The following MTA1 variants were observed in gnomAD, a reference collection of about 807,000 sequenced individuals.
MTA1 encodes the protein metastasis-associated protein MTA1.
MTA1 carries 15 observed loss-of-function variants against 97.0 expected under a neutral mutation model. The observed-to-expected ratio is 0.15, with a 90% CI of 0.10 to 0.24. The LOEUF is 0.24. MTA1 is among the 10% of genes least tolerant of loss of function. The pLI, the probability that MTA1 is intolerant of heterozygous loss-of-function variation, is 1.00. For synonymous variants in MTA1, 435 were observed against 417.5 expected (o/e 1.04, Z -0.51); for missense variants, 709 against 1,015.1 (o/e 0.70, Z 4.10).
intron 10 of MTA1, among the ~76,000 whole-genome samples, chr14:105,461,261 A>G (rs1555431007): frequency 6.6e-6 from 1 of 152,144 alleles, no homozygotes; most frequent in African/African-American, 2.4e-5. Context: ...ATCCTCACGG[A>G]GACTTTCCCT....
intron 2 of MTA1, among the ~76,000 whole-genome samples, chr14:105,439,253 C>T (rs587662438): frequency 3.3e-5 from 5 of 151,718 alleles, no homozygotes; most frequent in South Asian, 2.1e-4. Context: ...GAGGTGTCTG[C>T]GTGGCTGGAA....
At position 105,470,650 on chromosome 14, in the gene MTA1, G is replaced by A. The variant is rs962132348; in HGVS notation, c.*435G>A. 14 of 161,834 alleles carry A rather than the reference G, an allele frequency of 8.7e-5. No individual in the cohort carries two copies. Among genetic ancestry groups the A allele is most frequent in the African/African-American group, 3.3e-4 (14 of 41,838 alleles). The allele number at this position is 161,834 out of a possible 1,614,324, so 10.0% of individuals were successfully genotyped here. A position where few individuals can be genotyped will look rare whatever the true frequency, so the allele number is the denominator to read the frequency against. On this transcript the variant is annotated 3_prime_UTR_variant, in exon 21 of 21. Transcript: ENST00000331320. Reference sequence around the variant, plus strand: ...GCGGCCGGCCGAGCTGCCTGGCGGGGTTGGCCCTTGTCTTTTCAAGTAATT... The same window carrying A: ...GCGGCCGGCCGAGCTGCCTGGCGGGATTGGCCCTTGTCTTTTCAAGTAATT...
intron 10 of MTA1, among the ~76,000 whole-genome samples, chr14:105,462,199 C>T (rs1001625885): frequency 1.3e-4 from 3 of 23,258 alleles, no homozygotes; most frequent in Non-Finnish European, 2.7e-4. Context: ...GAGCAGGCCC[C>T]GCTCTCCTTC....
rs1423981338 is a variant in MTA1, at chr14:105,424,636, C to T, written c.28+4573C>T. 3.9e-5 allele frequency among the ~76,000 whole-genome samples: 6 copies of T among 152,190 alleles called. No homozygotes were observed. The highest frequency in any genetic ancestry group is 1.4e-4 in the African/African-American group (6 of 41,522). ...TCAGCCCCCTGAGTAGCTGGGATTACAGGTGTGCACCACCACACCTGGCTA... is the reference window on the plus strand; with the variant it reads ...TCAGCCCCCTGAGTAGCTGGGATTATAGGTGTGCACCACCACACCTGGCTA... On this transcript the variant is annotated intron_variant, in intron 1 of 20. Coordinates refer to ENST00000331320, the MANE Select transcript of MTA1 (RefSeq NM_004689.4). The surrounding 1 kb of genome is among the most constrained non-coding windows in gnomAD (Gnocchi z 4.0).
In MTA1 at chr14:105,463,320, C is replaced by G; in HGVS notation, c.1017+62C>G. On this transcript the variant is annotated intron_variant, in intron 11 of 20. Transcript: ENST00000331320. This position sits in a 1 kb window ranked among gnomAD's most constrained non-coding sequence, Gnocchi z 5.9. ...GCCTCCCCGTCCTGCGCCCCATCCTCTCCCAGCAGGTGGGCGTGCACTGCT... is the reference window on the plus strand; with the variant it reads ...GCCTCCCCGTCCTGCGCCCCATCCTGTCCCAGCAGGTGGGCGTGCACTGCT... The G allele has an allele frequency of 1.3e-6, 2 of 1,584,766 alleles. No individual in the cohort carries two copies. The highest frequency in any genetic ancestry group is 1.1e-5 in the South Asian group (1 of 90,428).
intron 6 of MTA1, among the ~76,000 whole-genome samples, chr14:105,452,325 A>T (rs1291614792): frequency 6.6e-6 from 1 of 152,182 alleles, no homozygotes; most frequent in East Asian, 1.9e-4. Flanking sequence ...TCACAGACAC[A>T]CCCAGGCCCT....
At chr14:105,464,331 C>T (rs1255000573) in intron 13 of MTA1, 85 bp from the exon 14 acceptor site, 45 of 1,281,612 alleles carry the variant, frequency 3.5e-5, no homozygotes, top group African/African-American at 1.8e-4. Context: ...CGGGTGGGGG[C>T]GGCCGGCGTG....
intron 1 of MTA1, among the ~76,000 whole-genome samples, chr14:105,426,609 C>G (rs2082022803): frequency 6.6e-6 from 1 of 152,180 alleles, no homozygotes; most frequent in African/African-American, 2.4e-5. Flanking sequence ...AGTGCCTGGG[C>G]CATCTGGCCA....
In MTA1 at chr14:105,463,935, T is replaced by C. The variant is rs1555431682; in HGVS notation, c.1077-97T>C. ...GCCGAGGGGTGCGAGGACGTGGTTC[T>C]GGACAAGGGGTGGTCAGCCGCGGTG... On this transcript the variant is annotated intron_variant, in intron 12 of 20. Coordinates refer to ENST00000331320, the MANE Select transcript of MTA1 (RefSeq NM_004689.4). This position sits in a 1 kb window ranked among gnomAD's most constrained non-coding sequence, Gnocchi z 5.9. 12 of 1,168,408 alleles carry C rather than the reference T, an allele frequency of 1.0e-5. No homozygotes were observed. Among genetic ancestry groups the C allele is most frequent in the South Asian group, 3.7e-5 (3 of 80,258 alleles). 72.4% of individuals were successfully genotyped at this position (1,168,408 alleles called of 1,614,324 possible).
At chr14:105,443,511 A>G (rs1220558304) in intron 2 of MTA1, among the ~76,000 whole-genome samples, 1 of 152,210 alleles carries the variant, frequency 6.6e-6, no homozygotes, top group African/African-American at 2.4e-5. Context: ...AGCTGGGACT[A>G]CAGGCGCACA....
At chr14:105,450,445 G>C in intron 6 of MTA1, 121 bp downstream of exon 6, 2 of 1,151,218 alleles carry the variant, frequency 1.7e-6, no homozygotes, top group Admixed American at 2.8e-5. Flanking sequence ...GGCCCAGGCT[G>C]TTCTGGGGGG....
chr14:105,466,145 C>A, intron 16 of MTA1: 4 of 514,604 alleles, frequency 7.8e-6, no homozygotes, highest in South Asian at 6.4e-5. Context: ...CCTGTTGTCC[C>A]GGGGCTGAGG....
At chr14:105,453,645 A>G (rs2083030826) in intron 6 of MTA1, among the ~76,000 whole-genome samples, 1 of 152,166 alleles carries the variant, frequency 6.6e-6, no homozygotes, top group Non-Finnish European at 1.5e-5. Context: ...CTCTGTCTCT[A>G]CTGAAAATAC....
intron 4 of MTA1, 68 bp downstream of exon 4, chr14:105,449,477 G>A (rs2082840267): frequency 1.0e-5 from 16 of 1,548,918 alleles, no homozygotes; most frequent in African/African-American, 4.1e-5. Flanking sequence ...CGGCAGCGCC[G>A]CTGAGGGACA....
chr14:105,447,695 G>A (rs2082764724), intron 3 of MTA1, among the ~76,000 whole-genome samples: 1 of 152,226 alleles, frequency 6.6e-6, no homozygotes, highest in Non-Finnish European at 1.5e-5. Flanking sequence ...GCGTTCCTAT[G>A]AACTGAGAGC....
In MTA1 at chr14:105,458,334, C is replaced by A. The variant is rs782205170; in HGVS notation, c.615C>A (p.Leu205=). The change falls in exon 8 of 21, where the codon CTC becomes CTA. Residue 205 remains leucine, a synonymous_variant. Coordinates refer to ENST00000331320, the MANE Select transcript of MTA1 (RefSeq NM_004689.4). ...AGGTGTGGGAGGCGCACAACCCACT[C>A]ACAGACAAGCAGATCGACCAGTTCC... is the stretch of plus-strand genomic sequence containing the variant. The part of the protein sequence containing the change: ...ETQVWEAHNP[L]TDKQIDQFLV... 2.5e-5 allele frequency: 40 copies of A among 1,612,672 alleles called. No homozygotes were observed. Among genetic ancestry groups the A allele is most frequent in the South Asian group, 3.3e-5 (3 of 91,090 alleles).
intron 3 of MTA1, among the ~76,000 whole-genome samples, chr14:105,446,215 C>G (rs1205105300): frequency 6.6e-6 from 1 of 152,194 alleles, no homozygotes; most frequent in Non-Finnish European, 1.5e-5. Flanking sequence ...CTGGGCCCCA[C>G]CTGCACCAGA....
At chr14:105,456,615 A>G (rs2083163954) in intron 7 of MTA1, among the ~76,000 whole-genome samples, 1 of 152,192 alleles carries the variant, frequency 6.6e-6, no homozygotes, top group Admixed American at 6.5e-5. Flanking sequence ...GAGTGATGGA[A>G]AATTGCACAC....
chr14:105,450,305 A>T lies in MTA1; in HGVS notation c.413A>T (p.Lys138Met). 1 of 1,605,540 alleles carries T rather than the reference A, an allele frequency of 6.2e-7. No homozygotes were observed. The highest frequency in any genetic ancestry group is 1.1e-5 in the South Asian group (1 of 90,896). ...CTGCTCAACGAGACCGAGTCGCTCA[A>T]GTCCTACCTGGAGCGGGAGGTGAGG... ...VTLLNETESL[K>M]SYLEREDFFF... is the part of the protein sequence containing the mutation. Residue 138 changes from lysine (K) to methionine (M), a missense_variant, in exon 6 of 21, where the codon AAG becomes ATG. Transcript: ENST00000331320.
Sources: gnomAD v4.1 joint callset for allele counts (sites outside exome capture counted in the v4.1 genomes callset) on GRCh38, gnomAD v4.1.1 for gene constraint, Gnocchi (gnomAD v3.1) non-coding constraint, MANE v1.5 for transcripts, NCBI Gene and HGNC (gene_info 2026-07-23, HGNC 2026-07-21) for gene names.